The following PRDM9 variants were observed in gnomAD, a reference collection of about 807,000 sequenced individuals.
PRDM9 encodes PR/SET domain 9.
In PRDM9, 47 loss-of-function variants were observed where a neutral mutation model predicts 55.6. That is an observed-to-expected ratio of 0.85 (90% CI 0.67 to 1.08). The LOEUF (loss-of-function observed/expected upper bound fraction) is 1.08. Among genes scored for constraint, PRDM9 ranks in the 50% least tolerant of loss-of-function variants. PRDM9 has a pLI of 0.00. For synonymous variants in PRDM9, 312 were observed against 375.7 expected (o/e 0.83, Z 1.96); for missense variants, 867 against 1,040.3 (o/e 0.83, Z 2.29).
intron 4 of PRDM9, among the ~76,000 whole-genome samples, chr5:23,510,401 G>A (rs1266791072): frequency 6.6e-6 from 1 of 151,660 alleles, no homozygotes; most frequent in Admixed American, 6.6e-5. Flanking sequence ...GTCTCCCTCT[G>A]TCATCCAGGC....
At chr5:23,521,269 C>T (rs1351183790) in intron 6 of PRDM9, 90 bp downstream of exon 6, 1 of 1,495,698 alleles carries the variant, frequency 6.7e-7, no homozygotes, top group Non-Finnish European at 9.3e-7. Context: ...GTGGACTTTG[C>T]ATAGGCCTGG....
At position 23,527,382 on chromosome 5, in the gene PRDM9, G is replaced by A. The variant is rs775556718; in HGVS notation, c.2294G>A (p.Arg765Lys). ...TTTCGCGATAAGTCACACCTCCTCA[G>A]ACACCAGAGGACACACACAGGGGAG... The part of the protein sequence containing the change: ...RGFRDKSHLL[R>K]HQRTHTGEKP... Residue 765 changes from arginine (R) to lysine (K), a missense_variant, in exon 11 of 11, where the codon AGA becomes AAA. This residue lies in a region of PRDM9 where 92 missense variants were observed against 185.7 expected (regional missense o/e 0.50). Coordinates refer to ENST00000296682, the MANE Select transcript of PRDM9 (RefSeq NM_020227.4). 1 of 1,486,282 alleles carries A rather than the reference G, an allele frequency of 6.7e-7. No homozygotes were observed. The highest frequency in any genetic ancestry group is 8.9e-7 in the Non-Finnish European group (1 of 1,121,372). The allele number at this position is 1,486,282 out of a possible 1,614,324, so 92.1% of individuals were successfully genotyped here. A position where few individuals can be genotyped will look rare whatever the true frequency, so the allele number is the denominator to read the frequency against.
intron 4 of PRDM9, among the ~76,000 whole-genome samples, chr5:23,515,948 G>T (rs773219579): frequency 6.6e-6 from 1 of 152,166 alleles, no homozygotes; most frequent in Non-Finnish European, 1.5e-5. Context: ...GAACTATGAG[G>T]CCTTTAACTT....
rs1283333734 is a variant in PRDM9 at position 23,517,902 on chromosome 5, T to C, written c.323T>C (p.Leu108Ser). The change falls in exon 5 of 11, where the codon TTA becomes TCA. Residue 108 changes from leucine to serine, a missense_variant. Transcript: ENST00000296682. ...TTAGTCAAACCTCCTTGGATGGCCT[T>C]AAGAGTGGAACAGCGTAAACACCAG... ...RQQVKPPWMA[L>S]RVEQRKHQKG... 1 of 1,604,242 alleles carries C rather than the reference T, an allele frequency of 6.2e-7. No homozygotes were observed.
intron 4 of PRDM9, among the ~76,000 whole-genome samples, chr5:23,510,676 T>TGTTA (rs1290815805): frequency 3.6e-4 from 52 of 144,426 alleles, no homozygotes; most frequent in Admixed American, 2.3e-3. Context: ...TGATGGTGAT[T>TGTTA]GTTACTATTA....
rs1739501770 is a variant in PRDM9, at chr5:23,527,691, GC to G, written c.2604del (p.Phe869LeufsTer70). 2 of 1,586,824 alleles carry G rather than the reference GC, an allele frequency of 1.3e-6. No individual in the cohort carries two copies. Among genetic ancestry groups the G allele is most frequent in the Admixed American group, 3.5e-5 (2 of 57,508 alleles). Reference protein sequence around the residue: ...KPYVCRECGRGFSDRSSLCYH... With the variant: ...KPYVCRECGRXFSDRSSLCYH... ...TACGTCTGCAGGGAGTGTGGGCGGGGCTTTAGCGATAGGTCAAGCCTCTGCT... is the reference window on the plus strand; with the variant it reads ...TACGTCTGCAGGGAGTGTGGGCGGGGTTTAGCGATAGGTCAAGCCTCTGCT... On this transcript the variant is annotated frameshift_variant, in exon 11 of 11. Transcript: ENST00000296682. LOFTEE classifies it low-confidence loss of function (END_TRUNC).
intron 4 of PRDM9, among the ~76,000 whole-genome samples, chr5:23,516,270 A>G (rs1452158355): frequency 6.6e-6 from 1 of 151,968 alleles, no homozygotes; most frequent in Non-Finnish European, 1.5e-5. Context: ...TTTTGATGCT[A>G]TTGTGGTTGG....
chr5:23,523,623 G>T (rs1282913802), intron 9 of PRDM9, among the ~76,000 whole-genome samples: 1 of 152,068 alleles, frequency 6.6e-6, no homozygotes, highest in African/African-American at 2.4e-5. Flanking sequence ...GATTCACGGG[G>T]GACTCTGAAT....
Position 23,521,025 on chromosome 5 carries a change from A to G in PRDM9, c.354A>G (p.Gly118=). ...AATATGTGACTCTCACATTAAAGGGAATGCCCAAGGCGTCATTCAGTAATG... is the reference window on the plus strand; with the variant it reads ...AATATGTGACTCTCACATTAAAGGGGATGCCCAAGGCGTCATTCAGTAATG... ...LRVEQRKHQK[G]MPKASFSNES... Residue 118 remains glycine, a splice_region_variant and synonymous_variant, in exon 6 of 11, where the codon GGA becomes GGG. Coordinates refer to ENST00000296682, the MANE Select transcript of PRDM9 (RefSeq NM_020227.4). The G allele has an allele frequency of 6.2e-7, 1 of 1,614,146 alleles. No homozygotes were observed. The highest frequency in any genetic ancestry group is 8.5e-7 in the Non-Finnish European group (1 of 1,179,968).
chr5:23,526,666 T>C lies in PRDM9; in HGVS notation c.1578T>C (p.Tyr526=). Residue 526 remains tyrosine (Y), a synonymous_variant, in exon 11 of 11, where the codon TAT becomes TAC. Transcript: ENST00000296682. ...VGISRIAKVK[Y]GECGQGFSVK... The stretch of plus-strand genomic sequence containing the variant: ...TCTCAAGAATTGCAAAAGTCAAGTA[T>C]GGAGAGTGTGGACAAGGTTTCAGTG... The C allele has an allele frequency of 1.2e-6, 2 of 1,614,256 alleles. No homozygotes were observed. The highest frequency in any genetic ancestry group is 1.7e-6 in the Non-Finnish European group (2 of 1,180,040).
Position 23,527,451 on chromosome 5 carries a change from A to C in PRDM9, c.2363A>C (p.Lys788Thr), listed in dbSNP as rs773120881. The change falls in exon 11 of 11, where the codon AAG (lysine) becomes ACG (threonine). Residue 788 changes from lysine (K) to threonine (T), a missense_variant. By Grantham distance (78) the Lys-to-Thr change is moderately conservative. Transcript: ENST00000296682. Reference protein sequence around the residue: ...CRECGRGFRDKSNLLSHQRTH... With the variant: ...CRECGRGFRDTSNLLSHQRTH... ...GAGTGTGGGCGGGGCTTTAGAGATAAGTCAAACCTCCTCAGTCACCAGAGG... is the reference window on the plus strand; with the variant it reads ...GAGTGTGGGCGGGGCTTTAGAGATACGTCAAACCTCCTCAGTCACCAGAGG... 6.3e-7 allele frequency: 1 copy of C among 1,593,766 alleles called. No homozygotes were observed. The highest frequency in any genetic ancestry group is 1.1e-5 in the South Asian group (1 of 89,974).
In PRDM9 at chr5:23,509,549, G is replaced by A. The variant is rs772688836; in HGVS notation, c.149G>A (p.Arg50His). 6.2e-6 allele frequency: 10 copies of A among 1,614,158 alleles called. No individual in the cohort carries two copies. The highest frequency in any genetic ancestry group is 3.3e-5 in the South Asian group (3 of 91,086). Reference protein sequence around the residue: ...WAEMGDWEKTRYRNVKRNYNA... With the variant: ...WAEMGDWEKTHYRNVKRNYNA... ...GAGATGGGAGACTGGGAGAAAACTC[G>A]CTATAGGAATGTGAAAAGGAACTAT... The change falls in exon 3 of 11, where the codon CGC becomes CAC. Residue 50 changes from arginine (R) to histidine (H), a missense_variant. Physicochemically the swap from Arg to His is conservative, Grantham distance 29. Coordinates refer to ENST00000296682, the MANE Select transcript of PRDM9 (RefSeq NM_020227.4).
intron 1 of PRDM9, 36 bp from the exon 2 acceptor site, chr5:23,508,914 G>A: frequency 9.2e-6 from 11 of 1,194,428 alleles, no homozygotes; most frequent in Non-Finnish European, 1.2e-5. Context: ...AGTGCTCAGG[G>A]CTGTTGCCCC....
intron 4 of PRDM9, among the ~76,000 whole-genome samples, chr5:23,513,926 C>T (rs902871840): frequency 2.0e-5 from 3 of 152,048 alleles, no homozygotes; most frequent in Non-Finnish European, 2.9e-5. Context: ...ATAAATTACC[C>T]ACTCTGTTAC....
Position 23,526,548 on chromosome 5 carries a change from G to C in PRDM9, c.1460G>C (p.Cys487Ser). Reference protein sequence around the residue: ...SSPPKGQMGSCRVGKRIMEEE... With the variant: ...SSPPKGQMGSSRVGKRIMEEE... ...CCACCCAAAGGACAAATGGGGAGCT[G>C]TAGAGTGGGAAAAAGAATAATGGAA... is the stretch of plus-strand genomic sequence containing the variant. The change falls in exon 11 of 11, where the codon TGT (cysteine) becomes TCT (serine). Residue 487 changes from cysteine (C) to serine (S), a missense_variant. By Grantham distance (112) the Cys-to-Ser change is moderately radical. Transcript: ENST00000296682. The C allele has an allele frequency of 6.2e-7, 1 of 1,614,216 alleles. No homozygotes were observed. Among genetic ancestry groups the C allele is most frequent in the Non-Finnish European group, 8.5e-7 (1 of 1,180,030 alleles).
chr5:23,510,260 C>T (rs561239729), intron 4 of PRDM9, among the ~76,000 whole-genome samples: 1 of 151,916 alleles, frequency 6.6e-6, no homozygotes, highest in East Asian at 1.9e-4. Flanking sequence ...GGGGTTTCTC[C>T]GTGTTGGTCA....
rs777413319 is a variant in PRDM9, at chr5:23,526,402, G to T, written c.1314G>T (p.Glu438Asp). 54 of 1,614,062 alleles carry T rather than the reference G, an allele frequency of 3.3e-5. No individual in the cohort carries two copies. Among genetic ancestry groups the T allele is most frequent in the Non-Finnish European group, 4.6e-5 (54 of 1,180,026 alleles). Reference sequence around the variant, plus strand: ...CCTGCCCAGGGGATCAGAATCAGGAGCAGCAATATCCAGATCCACACAGCC... The same window carrying T: ...CCTGCCCAGGGGATCAGAATCAGGATCAGCAATATCCAGATCCACACAGCC... ...ENPCPGDQNQEQQYPDPHSRN... is the reference protein window; with the variant it reads ...ENPCPGDQNQDQQYPDPHSRN... Residue 438 changes from glutamate (E) to aspartate (D), a missense_variant, in exon 11 of 11, where the codon GAG (glutamate) becomes GAT (aspartate). Physicochemically the swap from Glu to Asp is conservative, Grantham distance 45. Coordinates refer to ENST00000296682, the MANE Select transcript of PRDM9 (RefSeq NM_020227.4).
In PRDM9 at chr5:23,528,017, C is replaced by T; in HGVS notation, c.*244C>T. 2 of 614,820 alleles carry T rather than the reference C, an allele frequency of 3.3e-6. No individual in the cohort carries two copies. The highest frequency in any genetic ancestry group is 4.4e-4 in the Middle Eastern group (1 of 2,270). The allele number at this position is 614,820 out of a possible 1,614,324, so 38.1% of individuals were successfully genotyped here. On this transcript the variant is annotated 3_prime_UTR_variant, in exon 11 of 11. Coordinates refer to ENST00000296682, the MANE Select transcript of PRDM9 (RefSeq NM_020227.4). Reference sequence around the variant, plus strand: ...GGACATCAGCATGTGTGGTTCTTTCCCGCACTGATCCCCTCCATTTTTTGT... The same window carrying T: ...GGACATCAGCATGTGTGGTTCTTTCTCGCACTGATCCCCTCCATTTTTTGT...
chr5:23,525,210 G>A (rs983339422), intron 10 of PRDM9, among the ~76,000 whole-genome samples: 4 of 152,184 alleles, frequency 2.6e-5, no homozygotes, highest in Admixed American at 1.3e-4. Context: ...AGGGTTCCAG[G>A]CACAGGGCGC....
Sources: gnomAD v4.1 joint callset for allele counts (sites outside exome capture counted in the v4.1 genomes callset) on GRCh38, gnomAD v4.1.1 for gene constraint, gnomAD v4.1.1 regional missense constraint, MANE v1.5 for transcripts, NCBI Gene and HGNC (gene_info 2026-07-23, HGNC 2026-07-21) for gene names.